FCHSD2: variants seen among roughly 807,000 people sequenced by gnomAD.
The protein encoded by FCHSD2 is F-BAR and double SH3 domains protein 2.
FCHSD2 carries 38 observed loss-of-function variants against 108.1 expected under a neutral mutation model. That is an observed-to-expected ratio of 0.35 (90% CI 0.27 to 0.46). The LOEUF (loss-of-function observed/expected upper bound fraction) is 0.46. FCHSD2 is among the 20% of genes least tolerant of loss of function. FCHSD2 has a pLI of 1.00. For missense variants in FCHSD2, 751 were observed against 897.8 expected, an observed-to-expected ratio of 0.84 and a Z score of 2.09; for synonymous variants, 279 against 314.7, an observed-to-expected ratio of 0.89 and a Z score of 1.20.
At chr11:72,862,295 A>G (rs140250816) in intron 13 of FCHSD2, among the ~76,000 whole-genome samples, 17 of 152,348 alleles carry the variant, frequency 1.1e-4, no homozygotes, top group Non-Finnish European at 1.8e-4. Flanking sequence ...TAGGAAAGGA[A>G]TAAGTAAAAC....
chr11:73,045,494 C>A (rs1179145547), intron 3 of FCHSD2, among the ~76,000 whole-genome samples: 11 of 152,112 alleles, frequency 7.2e-5, no homozygotes, highest in African/African-American at 2.7e-4. Context: ...CACTATTCAC[C>A]ATAGCAGAGA....
intron 10 of FCHSD2, among the ~76,000 whole-genome samples, chr11:72,896,933 T>C (rs2135263612): frequency 6.6e-6 from 1 of 151,970 alleles, no homozygotes; most frequent in African/African-American, 2.4e-5. Flanking sequence ...TTCACGCCAT[T>C]CTCCTGCCTC....
intron 5 of FCHSD2, 82 bp downstream of exon 5, chr11:73,000,908 T>C (rs1857613242): frequency 2.4e-6 from 3 of 1,264,240 alleles, no homozygotes; most frequent in Non-Finnish European, 3.3e-6. Context: ...TAGTTTTAAA[T>C]AAAATTTAGC....
chr11:73,051,897 A>ACCC (rs1015916222), intron 3 of FCHSD2, among the ~76,000 whole-genome samples: 27 of 151,128 alleles, frequency 1.8e-4, no homozygotes, highest in African/African-American at 6.3e-4. Flanking sequence ...ACACACACAC[A>ACCC]CACACACACA....
intron 13 of FCHSD2, among the ~76,000 whole-genome samples, chr11:72,857,659 A>G (rs1861461397): frequency 6.6e-6 from 1 of 150,592 alleles, no homozygotes; most frequent in Admixed American, 6.6e-5. Context: ...TATGTTGGCC[A>G]GGCTGGTCTT....
At chr11:72,869,799 C>T (rs1448735158) in intron 12 of FCHSD2, 2 of 152,082 alleles carry the variant, frequency 1.3e-5, no homozygotes, top group African/African-American at 2.4e-5. Flanking sequence ...TTTTCAGTAG[C>T]CTTCTAACCC....
At chr11:72,896,947 C>T (rs199961304) in intron 10 of FCHSD2, among the ~76,000 whole-genome samples, 3 of 151,990 alleles carry the variant, frequency 2.0e-5, no homozygotes, top group African/African-American at 7.2e-5. Context: ...CTGCCTCAGC[C>T]TCCCGAGTAG....
intron 2 of FCHSD2, among the ~76,000 whole-genome samples, chr11:73,139,283 G>C (rs896397251): frequency 2.6e-5 from 4 of 152,182 alleles, no homozygotes; most frequent in African/African-American, 9.7e-5. Flanking sequence ...ATTCCAATTT[G>C]ATAAATGTAT....
chr11:72,994,925 G>A (rs1485774287), intron 5 of FCHSD2, among the ~76,000 whole-genome samples: 5 of 152,118 alleles, frequency 3.3e-5, no homozygotes, highest in African/African-American at 1.2e-4. Flanking sequence ...CCATTACTCT[G>A]CTTGAATTCC....
At chr11:72,858,200 C>A (rs1163847859) in intron 13 of FCHSD2, among the ~76,000 whole-genome samples, 4 of 152,174 alleles carry the variant, frequency 2.6e-5, no homozygotes, top group African/African-American at 9.7e-5. Flanking sequence ...TCTCTCAACT[C>A]CACTGGACAG....
At position 73,141,913 on chromosome 11, in the gene FCHSD2, C is replaced by A; in HGVS notation, c.-36G>T. On this transcript the variant is annotated 5_prime_UTR_variant, in exon 1 of 20. Coordinates refer to ENST00000409418, the MANE Select transcript of FCHSD2 (RefSeq NM_014824.3). ...GGACATCAATCCTCCCCGACGGCAGCGTTAGCAAGGACCAGGAGGAGGAGG... is the reference window on the plus strand; with the variant it reads ...GGACATCAATCCTCCCCGACGGCAGAGTTAGCAAGGACCAGGAGGAGGAGG... 2 of 1,539,622 alleles carry A rather than the reference C, an allele frequency of 1.3e-6. No homozygotes were observed. Among genetic ancestry groups the A allele is most frequent in the African/African-American group, 1.4e-5 (1 of 72,674 alleles).
At chr11:72,997,277 A>G (rs1293116214) in intron 5 of FCHSD2, among the ~76,000 whole-genome samples, 4 of 152,202 alleles carry the variant, frequency 2.6e-5, no homozygotes, top group African/African-American at 9.7e-5. Flanking sequence ...TAAGCACCCT[A>G]TATTTTCAGT....
intron 11 of FCHSD2, among the ~76,000 whole-genome samples, chr11:72,888,811 G>A (rs576292668): frequency 2.0e-5 from 3 of 152,030 alleles, no homozygotes; most frequent in South Asian, 2.1e-4. Context: ...TGTAGACACC[G>A]GGTTTTTTGC....
chr11:72,851,600 G>A (rs1329905443), intron 13 of FCHSD2, among the ~76,000 whole-genome samples: 3 of 151,786 alleles, frequency 2.0e-5, no homozygotes, highest in East Asian at 1.9e-4. Flanking sequence ...AAAATTAGCC[G>A]GGCATGGTGG....
chr11:73,018,097 A>G (rs1470896669), intron 3 of FCHSD2, among the ~76,000 whole-genome samples: 6 of 152,162 alleles, frequency 3.9e-5, no homozygotes, highest in Non-Finnish European at 5.9e-5. Flanking sequence ...ATGCATTCCA[A>G]TTAATTAAAG....
At chr11:72,972,749 T>C (rs1857031121) in intron 8 of FCHSD2, among the ~76,000 whole-genome samples, 1 of 152,214 alleles carries the variant, frequency 6.6e-6, no homozygotes, top group Non-Finnish European at 1.5e-5. Context: ...AAGCCCCTTG[T>C]GGGCGGCACC....
intron 5 of FCHSD2, among the ~76,000 whole-genome samples, chr11:72,997,956 G>A (rs1857551721): frequency 6.6e-6 from 1 of 152,134 alleles, no homozygotes; most frequent in African/African-American, 2.4e-5. Flanking sequence ...GCCTCCCAAA[G>A]TGCTGAAATT....
intron 12 of FCHSD2, among the ~76,000 whole-genome samples, chr11:72,874,606 A>T (rs1854928586): frequency 6.6e-6 from 1 of 152,238 alleles, no homozygotes; most frequent in Non-Finnish European, 1.5e-5. Flanking sequence ...GAAGCAGAAA[A>T]GAGAGAAGTA....
intron 12 of FCHSD2, among the ~76,000 whole-genome samples, chr11:72,873,502 T>G (rs138452684): frequency 6.6e-6 from 1 of 152,314 alleles, no homozygotes; most frequent in African/African-American, 2.4e-5. Flanking sequence ...GATACATGAT[T>G]TGCAAATATT....
Sources: gnomAD v4.1 joint callset for allele counts (sites outside exome capture counted in the v4.1 genomes callset) on GRCh38, gnomAD v4.1.1 for gene constraint, MANE v1.5 for transcripts, NCBI Gene and HGNC (gene_info 2026-07-23, HGNC 2026-07-21) for gene names.